The following DPH6 variants were observed in gnomAD, a reference collection of about 807,000 sequenced individuals.
DPH6 encodes diphthamine biosynthesis 6, also known as diphthine--ammonia ligase.
In DPH6, 33 loss-of-function variants were observed where a neutral mutation model predicts 38.2. That is an observed-to-expected ratio of 0.86 (90% CI 0.65 to 1.15). The LOEUF (loss-of-function observed/expected upper bound fraction) is 1.15. Among genes scored for constraint, DPH6 ranks in the 50% most tolerant of loss-of-function variants. The probability of loss-of-function intolerance (pLI) is 0.00; values close to 1 mark genes in which losing one functional copy is unlikely to be tolerated. For missense variants in DPH6, 325 were observed against 320.0 expected, an observed-to-expected ratio of 1.02 and a Z score of -0.12; for synonymous variants, 108 against 103.0, an observed-to-expected ratio of 1.05 and a Z score of -0.30.
intron 3 of DPH6, chr15:35,282,985 T>C (rs2051909618): frequency 3.7e-6 from 1 of 269,946 alleles, no homozygotes; most frequent in Non-Finnish European, 7.6e-6. Context: ...GCTGATCTCC[T>C]GAATATCATC....
chr15:35,296,501 G>A (rs1482481482), intron 3 of DPH6, among the ~76,000 whole-genome samples: 1 of 151,920 alleles, frequency 6.6e-6, no homozygotes, highest in Non-Finnish European at 1.5e-5. Flanking sequence ...TCAGATTCTA[G>A]GCTCTATCAC....
intron 3 of DPH6, among the ~76,000 whole-genome samples, chr15:35,333,945 T>C (rs1010151875): frequency 1.2e-4 from 18 of 152,074 alleles, no homozygotes; most frequent in Non-Finnish European, 1.8e-4. Context: ...TATGCAGCCA[T>C]AAAGAAGAAC....
chr15:35,248,207 T>C (rs967561643), intron 3 of DPH6, among the ~76,000 whole-genome samples: 3 of 152,100 alleles, frequency 2.0e-5, no homozygotes, highest in African/African-American at 7.2e-5. Flanking sequence ...TACCTCTCAT[T>C]CTCCCCTGAG....
In DPH6 at chr15:35,542,493, C is replaced by G. The variant is rs1269112061; in HGVS notation, c.38G>C (p.Ser13Thr). 1 of 1,555,888 alleles carries G rather than the reference C, an allele frequency of 6.4e-7. No individual in the cohort carries two copies. The highest frequency in any genetic ancestry group is 1.7e-5 in the Admixed American group (1 of 59,588). ...VAALISGGKD[S>T]CYNMMQCIAA... ...AATGCACTGCATCATATTATAGCAG[C>G]TGTCCTTCCCACCACTAAACAATAA... Residue 13 changes from serine (S) to threonine (T), a missense_variant, in exon 2 of 9, where the codon AGC (serine) becomes ACC (threonine). Coordinates refer to ENST00000256538, the MANE Select transcript of DPH6 (RefSeq NM_080650.4).
At chr15:35,195,383 T>C in the DPH6 span, among the ~76,000 whole-genome samples, 1 of 152,202 alleles carries the variant, frequency 6.6e-6, no homozygotes, top group Non-Finnish European at 1.5e-5. Context: ...TAGTGATTAA[T>C]ATAACCATTT....
chr15:35,237,999 G>A (rs915971921), intron 3 of DPH6: 10 of 1,500,760 alleles, frequency 6.7e-6, no homozygotes, highest in South Asian at 5.6e-5. Flanking sequence ...GAAGAGCTCC[G>A]TGAAGAAGAA....
At chr15:35,497,460 C>G (rs1406946454) in intron 3 of DPH6, among the ~76,000 whole-genome samples, 1 of 152,132 alleles carries the variant, frequency 6.6e-6, no homozygotes, top group Non-Finnish European at 1.5e-5. Flanking sequence ...AAATGTGTTC[C>G]TTTTTCATAC....
chr15:35,279,120 T>C (rs893239942), intron 3 of DPH6, among the ~76,000 whole-genome samples: 16 of 150,632 alleles, frequency 1.1e-4, no homozygotes, highest in Non-Finnish European at 1.5e-4. Flanking sequence ...ACTGCCCTAC[T>C]GAGTTTCAGA....
At chr15:35,381,105 G>A (rs11638059) in intron 7 of DPH6, among the ~76,000 whole-genome samples, 39,569 of 151,954 alleles carry the variant, frequency 0.26, 5,297 homozygotes, top group South Asian at 0.38. Context: ...AAGTCTTAGT[G>A]TTAGAAATAC....
At chr15:35,202,601 G>A in the DPH6 span, among the ~76,000 whole-genome samples, 5 of 151,810 alleles carry the variant, frequency 3.3e-5, no homozygotes, top group East Asian at 5.8e-4. Flanking sequence ...CAGTGTAAAC[G>A]AGCCCTGAGC....
chr15:35,180,448 C>T, the DPH6 span, among the ~76,000 whole-genome samples: 1 of 145,020 alleles, frequency 6.9e-6, no homozygotes, highest in Non-Finnish European at 1.5e-5. Context: ...CACACACTTG[C>T]CCAGTGGGTT....
At chr15:35,397,868 T>TATATATACACAC (rs752473433) in intron 6 of DPH6, among the ~76,000 whole-genome samples, 7 of 87,310 alleles carry the variant, frequency 8.0e-5, no homozygotes, top group African/African-American at 3.2e-4. Context: ...TTTATATATA[T>TATATATACACAC]ACACACACAC....
intron 5 of DPH6, among the ~76,000 whole-genome samples, chr15:35,440,572 G>T (rs984207614): frequency 1.3e-5 from 2 of 152,172 alleles, no homozygotes; most frequent in Non-Finnish European, 2.9e-5. Context: ...ATGCAGTAAA[G>T]ATCAGTCTTT....
intron 3 of DPH6, among the ~76,000 whole-genome samples, chr15:35,343,385 C>T (rs1386775393): frequency 1.1e-4 from 16 of 152,082 alleles, no homozygotes; most frequent in Non-Finnish European, 2.4e-4. Flanking sequence ...ATTCCACATT[C>T]ACCAATGAGT....
chr15:35,404,403 T>C (rs182743432), intron 6 of DPH6, among the ~76,000 whole-genome samples: 1 of 152,300 alleles, frequency 6.6e-6, no homozygotes, highest in East Asian at 1.9e-4. Context: ...GCCTATCTTT[T>C]GGATAAAAGC....
chr15:35,341,908 TG>T (rs901955465), intron 3 of DPH6, among the ~76,000 whole-genome samples: 2 of 152,170 alleles, frequency 1.3e-5, no homozygotes, highest in African/African-American at 4.8e-5. Context: ...TGTGCTGCAC[TG>T]GGGGGCACCC....
At chr15:35,201,883 C>T in the DPH6 span, among the ~76,000 whole-genome samples, 2 of 151,398 alleles carry the variant, frequency 1.3e-5, no homozygotes, top group Non-Finnish European at 3.0e-5. Context: ...ATGTGTTCAA[C>T]GTCACTATAC....
At chr15:35,305,648 A>G (rs2052084361) in intron 3 of DPH6, among the ~76,000 whole-genome samples, 1 of 152,194 alleles carries the variant, frequency 6.6e-6, no homozygotes, top group Non-Finnish European at 1.5e-5. Context: ...TTTAAAAAGC[A>G]CGAAAGATCT....
At chr15:35,406,260 G>C (rs570956181) in intron 6 of DPH6, among the ~76,000 whole-genome samples, 6 of 152,052 alleles carry the variant, frequency 3.9e-5, no homozygotes, top group African/African-American at 1.4e-4. Context: ...ATTCACTCTG[G>C]GAAACCATCG....
Sources: gnomAD v4.1 joint callset for allele counts (sites outside exome capture counted in the v4.1 genomes callset) on GRCh38, gnomAD v4.1.1 for gene constraint, MANE v1.5 for transcripts, NCBI Gene and HGNC (gene_info 2026-07-23, HGNC 2026-07-21) for gene names.